SSBP3: variants seen among roughly 807,000 people sequenced by gnomAD.
The protein encoded by SSBP3 is single-stranded DNA-binding protein 3.
A neutral mutation model predicts 69.6 loss-of-function variants in SSBP3; 5 were observed. The observed-to-expected ratio is 0.07, with a 90% CI of 0.04 to 0.15. The LOEUF (loss-of-function observed/expected upper bound fraction) is 0.15, where lower values mean the gene tolerates loss of function less well. Ranked by LOEUF, SSBP3 falls within the 10% of genes least tolerant of loss-of-function variation. The pLI, the probability that SSBP3 is intolerant of heterozygous loss-of-function variation, is 1.00. For synonymous variants in SSBP3, 196 were observed against 193.4 expected (o/e 1.01, Z -0.11); for missense variants, 312 against 534.0 (o/e 0.58, Z 4.10).
intron 4 of SSBP3, chr1:54,286,527 T>C (rs1460264867): frequency 1.3e-5 from 2 of 152,238 alleles, no homozygotes; most frequent in Non-Finnish European, 1.5e-5. Context: ...TTCTTGATGA[T>C]CCCAGGATGG....
At chr1:54,247,013 G>A (rs1397860009) in intron 9 of SSBP3, among the ~76,000 whole-genome samples, 2 of 152,240 alleles carry the variant, frequency 1.3e-5, no homozygotes, top group East Asian at 1.9e-4. Context: ...GCTCTGCAGG[G>A]GCAGGGACAG....
chr1:54,261,183 C>T (rs1338872824), intron 5 of SSBP3, among the ~76,000 whole-genome samples: 1 of 152,350 alleles, frequency 6.6e-6, no homozygotes, highest in Non-Finnish European at 1.5e-5. Flanking sequence ...AGCAGTCTCA[C>T]GGGCAGAGAT....
intron 5 of SSBP3, among the ~76,000 whole-genome samples, chr1:54,272,346 G>A (rs569436125): frequency 6.6e-6 from 1 of 152,042 alleles, no homozygotes; most frequent in African/African-American, 2.4e-5. Flanking sequence ...TGAAGGGGAG[G>A]TTCCTCCCAC....
At chr1:54,278,589 G>A (rs895571503) in intron 5 of SSBP3, among the ~76,000 whole-genome samples, 1 of 152,248 alleles carries the variant, frequency 6.6e-6, no homozygotes, top group African/African-American at 2.4e-5. Context: ...GGGCTGGGAT[G>A]GAGGTGGGCA....
chr1:54,282,882 C>G (rs1389373937), intron 4 of SSBP3, among the ~76,000 whole-genome samples: 1 of 152,246 alleles, frequency 6.6e-6, no homozygotes, highest in African/African-American at 2.4e-5. Context: ...CCCTTGGGGT[C>G]AGGAAACAGA....
At chr1:54,228,578 A>G in intron 15 of SSBP3, 101 bp from the exon 16 acceptor site, 1 of 1,549,286 alleles carries the variant, frequency 6.5e-7, no homozygotes, top group Non-Finnish European at 8.8e-7. Flanking sequence ...CTTCCATCCC[A>G]GTCCCACACT....
chr1:54,232,143 G>C (rs2100569338), intron 14 of SSBP3, among the ~76,000 whole-genome samples: 1 of 152,264 alleles, frequency 6.6e-6, no homozygotes, highest in Non-Finnish European at 1.5e-5. Flanking sequence ...AACAACAATA[G>C]GAACTGTTAA....
intron 10 of SSBP3, 89 bp from the exon 11 acceptor site, chr1:54,242,301 A>C: frequency 3.4e-6 from 5 of 1,485,472 alleles, no homozygotes; most frequent in Non-Finnish European, 4.7e-6. Flanking sequence ...GAAAGGGCTG[A>C]AATCACAACA....
At position 54,242,212 on chromosome 1, in the gene SSBP3, CCT is replaced by C; in HGVS notation, c.717-2_717-1del. Reference sequence around the variant, plus strand: ...GCCAGGGTCTGCCAGCTCCCGGGCCCCTGAGAGAGGGAGAAAGAGATGTGGAC... The same window carrying C: ...GCCAGGGTCTGCCAGCTCCCGGGCCCGAGAGAGGGAGAAAGAGATGTGGAC... On this transcript the variant is annotated splice_acceptor_variant, in intron 10 of 17. Coordinates refer to ENST00000610401, the Ensembl canonical transcript of SSBP3. LOFTEE classifies it high-confidence loss of function. The C allele has an allele frequency of 6.2e-7, 1 of 1,613,782 alleles. No individual in the cohort carries two copies. Among genetic ancestry groups the C allele is most frequent in the African/African-American group, 1.3e-5 (1 of 74,998 alleles).
intron 4 of SSBP3, among the ~76,000 whole-genome samples, chr1:54,345,971 G>A (rs555236483): frequency 6.6e-4 from 98 of 147,402 alleles, no homozygotes; most frequent in African/African-American, 2.3e-3. Context: ...GTGAAACCCC[G>A]TCTCCACAAA....
chr1:54,229,069 G>A (rs1644337323), intron 14 of SSBP3, among the ~76,000 whole-genome samples: 1 of 152,156 alleles, frequency 6.6e-6, no homozygotes, highest in Non-Finnish European at 1.5e-5. Flanking sequence ...CTGGCCCACT[G>A]CCACCCAACT....
At chr1:54,383,019 G>A (rs1647791813) in intron 4 of SSBP3, among the ~76,000 whole-genome samples, 1 of 140,950 alleles carries the variant, frequency 7.1e-6, no homozygotes, top group African/African-American at 2.7e-5. Context: ...GAGAGAGAAA[G>A]AAAGAAAGAA....
rs74662558 is a variant in SSBP3 at position 54,286,160 on chromosome 1, G to C, written c.277-4633C>G. 5.7e-4 allele frequency among the ~76,000 whole-genome samples: 87 copies of C among 152,182 alleles called. No homozygotes were observed. The East Asian group carries it at 0.015, about 26-fold the overall frequency. ...GAGAGACCTGTTATCTGAGCCCACA[G>C]ATAACAGTGGGTGACATTGGGTTCT... On this transcript the variant is annotated intron_variant, in intron 4 of 17. Transcript: ENST00000610401.
At chr1:54,227,189 GGGT>G in intron 17 of SSBP3, 29 bp from the exon 18 acceptor site, 2 of 1,178,632 alleles carry the variant, frequency 1.7e-6, no homozygotes, top group Non-Finnish European at 2.5e-6. Context: ...GAAGGGGGGG[GGGT>G]GAGGATTGTG....
rs1557448299 is a variant in SSBP3 at position 54,240,063 on chromosome 1, T to C, written c.856+842A>G. ...TTGTGATGGGGTGTGTGTGTGTGTGTGTGTGTGTGTGTGTGTGTGTGTGTG... is the reference window on the plus strand; with the variant it reads ...TTGTGATGGGGTGTGTGTGTGTGTGCGTGTGTGTGTGTGTGTGTGTGTGTG... On this transcript the variant is annotated intron_variant, in intron 13 of 17. Coordinates refer to ENST00000610401, the Ensembl canonical transcript of SSBP3. Among the ~76,000 whole-genome samples the C allele has an allele frequency of 5.4e-4, 14 of 25,922 alleles. No homozygotes were observed. The South Asian group carries it at 6.2e-3, about 11-fold the overall frequency. The allele number at this position is 25,922 out of a possible 152,430, so 17.0% of individuals were successfully genotyped here.
intron 10 of SSBP3, 101 bp downstream of exon 10, chr1:54,243,134 G>C (rs1644670660): frequency 2.0e-6 from 2 of 1,024,368 alleles, no homozygotes; most frequent in East Asian, 2.4e-5. Context: ...GGTCCAGAGA[G>C]GTACCAGCAA....
chr1:54,268,664 T>G (rs540607561), intron 5 of SSBP3, among the ~76,000 whole-genome samples: 81 of 152,162 alleles, frequency 5.3e-4, no homozygotes, highest in Non-Finnish European at 1.0e-3. Flanking sequence ...CCTGGAAAAC[T>G]CGGTAGTTTT....
chr1:54,340,758 A>T (rs890568437), intron 4 of SSBP3, among the ~76,000 whole-genome samples: 26 of 152,210 alleles, frequency 1.7e-4, no homozygotes, highest in African/African-American at 6.3e-4. Flanking sequence ...GTTGGGGAGA[A>T]AAAATGGACT....
intron 4 of SSBP3, among the ~76,000 whole-genome samples, chr1:54,305,866 T>C (rs1484335088): frequency 1.3e-5 from 2 of 148,394 alleles, no homozygotes; most frequent in Non-Finnish European, 3.0e-5. Context: ...AGCAGCCGTC[T>C]CTCCCTGCTG....
Sources: gnomAD v4.1 joint callset for allele counts (sites outside exome capture counted in the v4.1 genomes callset) on GRCh38, gnomAD v4.1.1 for gene constraint, MANE v1.5 for transcripts, NCBI Gene and HGNC (gene_info 2026-07-23, HGNC 2026-07-21) for gene names.